The following TTC33 variants were observed in gnomAD, a reference collection of about 807,000 sequenced individuals.
TTC33 encodes the protein tetratricopeptide repeat domain 33.
TTC33 carries 24 observed loss-of-function variants against 29.4 expected under a neutral mutation model. The observed-to-expected ratio is 0.82, with a 90% CI of 0.59 to 1.15. TTC33 has a LOEUF of 1.15. TTC33 is among the 50% of genes most tolerant of loss of function. TTC33 has a pLI of 0.00. For missense variants in TTC33, 286 were observed against 310.4 expected, an observed-to-expected ratio of 0.92 and a Z score of 0.59; for synonymous variants, 107 against 100.3, an observed-to-expected ratio of 1.07 and a Z score of -0.40.
Position 40,714,616 on chromosome 5 carries a change from A to G in TTC33, c.*1529T>C, listed in dbSNP as rs1278280719. ...GTTCTTTATTAAACAAAATAAAATA[A>G]TTAACATATTTTTTGGAGCACTCTG... On this transcript the variant is annotated 3_prime_UTR_variant, in exon 5 of 5. Coordinates refer to ENST00000337702, the MANE Select transcript of TTC33 (RefSeq NM_012382.3). 6.6e-6 allele frequency: 1 copy of G among 152,178 alleles called. No homozygotes were observed. The allele number at this position is 152,178 out of a possible 1,614,324, so 9.4% of individuals were successfully genotyped here.
intron 4 of TTC33, among the ~76,000 whole-genome samples, chr5:40,718,466 G>A (rs1206873160): frequency 1.3e-5 from 2 of 151,418 alleles, no homozygotes; most frequent in Non-Finnish European, 1.5e-5. Context: ...ATTTGGCCAG[G>A]CGTGGTGGCT....
chr5:40,720,324 G>T (rs1248197601), intron 4 of TTC33, among the ~76,000 whole-genome samples: 3 of 152,122 alleles, frequency 2.0e-5, no homozygotes, highest in South Asian at 4.1e-4. Context: ...CCATTAAATT[G>T]TCTTGACACC....
intron 2 of TTC33, among the ~76,000 whole-genome samples, chr5:40,738,567 T>TATAAAATAAAATAAA (rs199498234): frequency 4.4e-5 from 3 of 67,598 alleles, no homozygotes; most frequent in East Asian, 4.6e-4. Context: ...TAAAATAAAA[T>TATAAAATAAAATAAA]ATAAAATAAA....
intron 2 of TTC33, among the ~76,000 whole-genome samples, chr5:40,745,465 G>A (rs1387849268): frequency 6.6e-6 from 1 of 151,886 alleles, no homozygotes; most frequent in Non-Finnish European, 1.5e-5. Flanking sequence ...TAGAAAGACA[G>A]GGATAAAGCA....
intron 1 of TTC33, among the ~76,000 whole-genome samples, chr5:40,750,967 G>A (rs1199586819): frequency 6.6e-6 from 1 of 152,148 alleles, no homozygotes; most frequent in Non-Finnish European, 1.5e-5. Flanking sequence ...TTCCTCCACT[G>A]AAGTCTTGAA....
At chr5:40,739,229 G>C (rs1742640588) in intron 2 of TTC33, among the ~76,000 whole-genome samples, 1 of 152,182 alleles carries the variant, frequency 6.6e-6, no homozygotes, top group Non-Finnish European at 1.5e-5. Context: ...CTTTTGGCTA[G>C]TCTAGATTCT....
chr5:40,754,532 CAAAGG>C (rs1742951289), intron 1 of TTC33, among the ~76,000 whole-genome samples: 1 of 151,946 alleles, frequency 6.6e-6, no homozygotes. Flanking sequence ...GGAAAAGCAA[CAAAGG>C]AAAAATAGAG....
At chr5:40,738,444 A>AAATACAATACAATACAATAC (rs140651944) in intron 2 of TTC33, among the ~76,000 whole-genome samples, 3 of 83,646 alleles carry the variant, frequency 3.6e-5, no homozygotes, top group Non-Finnish European at 6.9e-5. Flanking sequence ...ATATAAAATA[A>AAATACAATACAATACAATAC]AATACAATAC....
intron 4 of TTC33, among the ~76,000 whole-genome samples, chr5:40,717,724 T>C (rs1050347974): frequency 1.3e-4 from 20 of 152,216 alleles, no homozygotes; most frequent in Admixed American, 1.2e-3. Flanking sequence ...TGAGTATACT[T>C]AGTCTCTGGA....
At position 40,712,486 on chromosome 5, in the gene TTC33, G is replaced by A. The variant is rs954921358; in HGVS notation, c.*3659C>T. ...ACTGCTGAAAAAGGCTAGGTTAGAGGATGTACTTTAAGTTTATGCCAACAA... is the reference window on the plus strand; with the variant it reads ...ACTGCTGAAAAAGGCTAGGTTAGAGAATGTACTTTAAGTTTATGCCAACAA... On this transcript the variant is annotated 3_prime_UTR_variant, in exon 5 of 5. Transcript: ENST00000337702. Among the ~76,000 whole-genome samples the A allele has an allele frequency of 9.2e-5, 14 of 152,118 alleles. No individual in the cohort carries two copies. The highest frequency in any genetic ancestry group is 1.9e-4 in the Non-Finnish European group (13 of 68,004).
In TTC33 at chr5:40,714,594, C is replaced by T. The variant is rs1368322645; in HGVS notation, c.*1551G>A. ...TACCTATTTACGTTTTGAGAATGTT[C>T]TTTATTAAACAAAATAAAATAATTA... On this transcript the variant is annotated 3_prime_UTR_variant, in exon 5 of 5. Transcript: ENST00000337702. 6.6e-6 allele frequency: 1 copy of T among 152,098 alleles called. No individual in the cohort carries two copies. Among genetic ancestry groups the T allele is most frequent in the Non-Finnish European group, 1.5e-5 (1 of 67,958 alleles). 9.4% of individuals were successfully genotyped at this position (152,098 alleles called of 1,614,324 possible). A position where few individuals can be genotyped will look rare whatever the true frequency, so the allele number is the denominator to read the frequency against.
At chr5:40,748,973 A>G (rs911923297) in intron 1 of TTC33, among the ~76,000 whole-genome samples, 3 of 152,164 alleles carry the variant, frequency 2.0e-5, no homozygotes, top group African/African-American at 7.2e-5. Flanking sequence ...TAAAAATACA[A>G]AAATTAGCCA....
In TTC33 at chr5:40,745,881, T is replaced by C. The variant is rs375180337; in HGVS notation, c.221+917A>G. 2.6e-5 allele frequency among the ~76,000 whole-genome samples: 4 copies of C among 152,070 alleles called. No individual in the cohort carries two copies. The East Asian group carries it at 5.8e-4, about 22-fold the overall frequency. On this transcript the variant is annotated intron_variant, in intron 2 of 4. Transcript: ENST00000337702. ...TCCCAAAGTGCTGGGATTACTAGTATAAGCCACTGCACCCAGCCAGTTGTA... is the reference window on the plus strand; with the variant it reads ...TCCCAAAGTGCTGGGATTACTAGTACAAGCCACTGCACCCAGCCAGTTGTA...
chr5:40,727,245 A>C (rs1742308900), intron 4 of TTC33, among the ~76,000 whole-genome samples: 1 of 152,216 alleles, frequency 6.6e-6, no homozygotes, highest in African/African-American at 2.4e-5. Context: ...GAAACTTTTA[A>C]AATGTTTTAT....
chr5:40,722,913 C>T (rs1334887601), intron 4 of TTC33, among the ~76,000 whole-genome samples: 1 of 152,098 alleles, frequency 6.6e-6, no homozygotes, highest in East Asian at 1.9e-4. Context: ...CCCCTCTGCC[C>T]AGCCGCCACC....
chr5:40,722,523 G>A (rs1269037341), intron 4 of TTC33, among the ~76,000 whole-genome samples: 3 of 149,742 alleles, frequency 2.0e-5, no homozygotes, highest in Non-Finnish European at 4.4e-5. Context: ...CCACCTCCCC[G>A]TCTGGAATGT....
chr5:40,742,781 A>G (rs1742721224), intron 2 of TTC33, among the ~76,000 whole-genome samples: 1 of 152,226 alleles, frequency 6.6e-6, no homozygotes, highest in African/African-American at 2.4e-5. Context: ...TTATTCCCAA[A>G]GGTCCTTTGT....
intron 2 of TTC33, among the ~76,000 whole-genome samples, chr5:40,742,133 G>C (rs1394493900): frequency 6.6e-6 from 1 of 151,720 alleles, no homozygotes; most frequent in Non-Finnish European, 1.5e-5. Flanking sequence ...CAATTTTCTA[G>C]TTGTTTGGGG....
chr5:40,751,896 G>A (rs1272867968), intron 1 of TTC33, among the ~76,000 whole-genome samples: 1 of 151,074 alleles, frequency 6.6e-6, no homozygotes, highest in African/African-American at 2.4e-5. Context: ...GGCGGAGGTT[G>A]CAGTGAGCCA....
Sources: allele counts gnomAD v4.1 joint callset (sites outside exome capture counted in the v4.1 genomes callset), GRCh38; gene constraint gnomAD v4.1.1; transcripts MANE v1.5; gene names NCBI Gene and HGNC (gene_info 2026-07-23, HGNC 2026-07-21).